Variants in COL4A2 observed in about 807,000 individuals in gnomAD.
COL4A2 encodes the protein collagen type IV alpha 2 chain, also known as collagen alpha-2(IV) chain.
COL4A2 carries 99 observed loss-of-function variants against 200.2 expected under a neutral mutation model. That is an observed-to-expected ratio of 0.49 (90% CI 0.42 to 0.58). The LOEUF (loss-of-function observed/expected upper bound fraction) is 0.58. COL4A2 is among the 20% of genes least tolerant of loss of function. COL4A2 has a pLI of 0.00. For missense variants in COL4A2, 1,950 were observed against 2,314.1 expected, an observed-to-expected ratio of 0.84 and a Z score of 3.23; for synonymous variants, 897 against 900.6, an observed-to-expected ratio of 1.00 and a Z score of 0.07.
chr13:110,477,031 A>ATT (rs551556490), intron 29 of COL4A2, among the ~76,000 whole-genome samples: 12 of 152,342 alleles, frequency 7.9e-5, no homozygotes, highest in Middle Eastern at 3.4e-3. Context: ...CTATCAGGAA[A>ATT]ATATAAAACT....
chr13:110,414,983 G>A (rs536704070), intron 4 of COL4A2, among the ~76,000 whole-genome samples: 1 of 152,264 alleles, frequency 6.6e-6, no homozygotes, highest in African/African-American at 2.4e-5. Flanking sequence ...GCACTCTGGG[G>A]GAATCTCAGA....
intron 3 of COL4A2, among the ~76,000 whole-genome samples, chr13:110,328,828 GTCTTGATAAAC>G (rs1215680231): frequency 6.6e-6 from 1 of 152,218 alleles, no homozygotes; most frequent in Admixed American, 6.5e-5. Flanking sequence ...GTCCACTGCA[GTCTTGATAAAC>G]TCATGCTGTC....
Position 110,320,179 on chromosome 13 carries a change from CA to C in COL4A2, c.99+12058del, listed in dbSNP as rs551372872. Among the ~76,000 whole-genome samples, 4 of 152,336 alleles carry C rather than the reference CA, an allele frequency of 2.6e-5. No individual in the cohort carries two copies. In the South Asian group the frequency reaches 8.3e-4, roughly 32 times the overall value. On this transcript the variant is annotated intron_variant, in intron 3 of 47. Coordinates refer to ENST00000360467, the MANE Select transcript of COL4A2 (RefSeq NM_001846.4). Reference sequence around the variant, plus strand: ...TCTCCTTTTGCCAGGCGCAGCCGCACAACCCAGGAACAGTCCTAACCCATTA... The same window carrying C: ...TCTCCTTTTGCCAGGCGCAGCCGCACACCCAGGAACAGTCCTAACCCATTA...
rs775319592 is a variant in COL4A2 at position 110,308,114 on chromosome 13, C to G, written c.90C>G (p.Ser30Arg). Reference protein sequence around the residue: ...GTVTVGFLAQSVLAGVKKFDV... With the variant: ...GTVTVGFLAQRVLAGVKKFDV... ...TGACCGTGGGGTTCCTCGCCCAGAG[C>G]GTCTTGGCGGTAAGTCCTGGCTCCC... Residue 30 changes from serine (S) to arginine (R), a missense_variant, in exon 3 of 48, where the codon AGC becomes AGG. Ser to Arg is a moderately radical substitution (Grantham distance 110, BLOSUM62 -1). This residue lies in a region of COL4A2 where 565 missense variants were observed against 593.5 expected (regional missense o/e 0.95). Transcript: ENST00000360467. 1 of 1,613,750 alleles carries G rather than the reference C, an allele frequency of 6.2e-7. No individual in the cohort carries two copies. Among genetic ancestry groups the G allele is most frequent in the Non-Finnish European group, 8.5e-7 (1 of 1,180,018 alleles).
intron 3 of COL4A2, among the ~76,000 whole-genome samples, chr13:110,346,776 A>G (rs1876721818): frequency 6.6e-6 from 1 of 152,146 alleles, no homozygotes; most frequent in Non-Finnish European, 1.5e-5. Context: ...TCTAGACCAG[A>G]TGACTCAAGA....
At chr13:110,434,768 G>A (rs1485159665) in intron 12 of COL4A2, among the ~76,000 whole-genome samples, 1 of 152,210 alleles carries the variant, frequency 6.6e-6, no homozygotes, top group Non-Finnish European at 1.5e-5. Flanking sequence ...GCCCAGAGGT[G>A]ATGGAGGGGA....
intron 29 of COL4A2, among the ~76,000 whole-genome samples, chr13:110,477,022 T>C (rs1882729714): frequency 6.6e-6 from 1 of 152,172 alleles, no homozygotes; most frequent in South Asian, 2.1e-4. Context: ...TACTAAAATC[T>C]ATCAGGAAAA....
At chr13:110,445,989 G>T in intron 17 of COL4A2, 107 bp downstream of exon 17, 3 of 1,252,688 alleles carry the variant, frequency 2.4e-6, no homozygotes, top group Non-Finnish European at 3.5e-6. Context: ...GCCCTAAAAA[G>T]TACAAGATCC....
Position 110,493,073 on chromosome 13 carries a change from AC to A in COL4A2, c.3563-133del. 3.4e-5 allele frequency: 29 copies of A among 853,296 alleles called. 1 individual carries two copies. Among genetic ancestry groups the A allele is most frequent in the Middle Eastern group, 2.5e-4 (1 of 3,930 alleles). The allele number at this position is 853,296 out of a possible 1,614,324, so 52.9% of individuals were successfully genotyped here. A position where few individuals can be genotyped will look rare whatever the true frequency, so the allele number is the denominator to read the frequency against. On this transcript the variant is annotated intron_variant, in intron 38 of 47. Transcript: ENST00000360467. ...CACAGGTGAAATAACGATGAGTGAC[AC>A]CCCCATGGGTGAAATAACGATGAGT...
At chr13:110,408,156 G>A (rs4771676) in intron 4 of COL4A2, among the ~76,000 whole-genome samples, 90,742 of 151,752 alleles carry the variant, frequency 0.6, 27,493 homozygotes, top group Admixed American at 0.65. Flanking sequence ...AGGAGTGAGG[G>A]GAAACGCAGG....
At chr13:110,370,250 T>TTTTTG (rs537569445) in intron 4 of COL4A2, among the ~76,000 whole-genome samples, 310 of 151,800 alleles carry the variant, frequency 2.0e-3, no homozygotes, top group Non-Finnish European at 3.5e-3. Flanking sequence ...TTTGACAAGT[T>TTTTTG]TTTTGTTTTG....
At chr13:110,384,700 CCCAAG>C (rs572423926) in intron 4 of COL4A2, among the ~76,000 whole-genome samples, 97 of 152,360 alleles carry the variant, frequency 6.4e-4, no homozygotes, top group African/African-American at 2.2e-3. Flanking sequence ...CACCTGCCTT[CCCAAG>C]CCAAGTCACA....
chr13:110,432,002 G>A (rs1019590674), intron 10 of COL4A2, among the ~76,000 whole-genome samples: 1 of 152,190 alleles, frequency 6.6e-6, no homozygotes. Flanking sequence ...GGAAGCTGTC[G>A]CTGCAGTCAC....
chr13:110,459,655 G>C (rs1881941639), intron 22 of COL4A2: 1 of 152,192 alleles, frequency 6.6e-6, no homozygotes, highest in Non-Finnish European at 1.5e-5. Context: ...TTAGATAAGA[G>C]TGATGGTTGC....
intron 3 of COL4A2, among the ~76,000 whole-genome samples, chr13:110,324,554 C>T (rs1042229689): frequency 6.6e-6 from 1 of 152,156 alleles, no homozygotes; most frequent in Non-Finnish European, 1.5e-5. Flanking sequence ...AGAGATGGGC[C>T]GGAGCAGCAC....
At chr13:110,473,370 C>T (rs951392826) in intron 29 of COL4A2, 3 of 522,204 alleles carry the variant, frequency 5.7e-6, no homozygotes, top group Non-Finnish European at 1.0e-5. Context: ...CATCTGAGAA[C>T]TTTGACAGGT....
intron 4 of COL4A2, among the ~76,000 whole-genome samples, chr13:110,417,193 G>A (rs947445623): frequency 2.6e-5 from 4 of 152,096 alleles, no homozygotes; most frequent in Admixed American, 6.5e-5. Context: ...GTTGGCCAGT[G>A]ATCCGCCTGC....
chr13:110,494,070 A>T (rs1054181909), intron 39 of COL4A2, among the ~76,000 whole-genome samples: 1 of 151,852 alleles, frequency 6.6e-6, no homozygotes, highest in East Asian at 1.9e-4. Context: ...AGGGCTTCTT[A>T]CCACAGGAAA....
intron 8 of COL4A2, 84 bp downstream of exon 8, chr13:110,430,040 G>A (rs747118327): frequency 8.0e-6 from 11 of 1,382,838 alleles, no homozygotes; most frequent in South Asian, 1.4e-5. Flanking sequence ...AGTGAACTTT[G>A]CATGTAAGAA....
Sources: allele counts gnomAD v4.1 joint callset (sites outside exome capture counted in the v4.1 genomes callset), GRCh38; gene constraint gnomAD v4.1.1; regional missense constraint gnomAD v4.1.1; transcripts MANE v1.5; gene names NCBI Gene and HGNC (gene_info 2026-07-23, HGNC 2026-07-21).